Variants in AGBL4 observed in about 807,000 individuals in gnomAD.
AGBL4 encodes cytosolic carboxypeptidase 6.
AGBL4 carries 58 observed loss-of-function variants against 66.4 expected under a neutral mutation model. That is an observed-to-expected ratio of 0.87 (90% CI 0.71 to 1.09). The LOEUF is 1.09. Among genes scored for constraint, AGBL4 ranks in the 50% least tolerant of loss-of-function variants. The pLI, the probability that AGBL4 is intolerant of heterozygous loss-of-function variation, is 0.00. For synonymous variants in AGBL4, 234 were observed against 222.9 expected, an observed-to-expected ratio of 1.05 and a Z score of -0.44; for missense variants, 579 against 631.0, an observed-to-expected ratio of 0.92 and a Z score of 0.88.
At chr1:48,585,990 C>T (rs1364892415) in intron 11 of AGBL4, 1 of 152,158 alleles carries the variant, frequency 6.6e-6, no homozygotes, top group Admixed American at 6.5e-5. Context: ...TGCAGAAATA[C>T]AGAGTTCATT....
At chr1:49,889,390 T>C (rs1381272152) in intron 1 of AGBL4, among the ~76,000 whole-genome samples, 1 of 152,208 alleles carries the variant, frequency 6.6e-6, no homozygotes, top group African/African-American at 2.4e-5. Context: ...TAATACTTTT[T>C]TTCTTTTTCA....
Position 49,740,971 on chromosome 1 carries a change from A to G in AGBL4, c.158-43534T>C, listed in dbSNP as rs145985779. 8.0e-3 allele frequency among the ~76,000 whole-genome samples: 1,220 copies of G among 152,338 alleles called. 11 individuals are homozygous for G. The highest frequency in any genetic ancestry group is 0.012 in the Non-Finnish European group (792 of 68,026). On this transcript the variant is annotated intron_variant, in intron 2 of 13. Transcript: ENST00000371839. ...AAGACTGATCTAAAATTGACACCCTAACATCACAATTAAAATAACTAGAGA... is the reference window on the plus strand; with the variant it reads ...AAGACTGATCTAAAATTGACACCCTGACATCACAATTAAAATAACTAGAGA...
intron 4 of AGBL4, among the ~76,000 whole-genome samples, chr1:49,161,005 G>A (rs372216906): frequency 1.3e-4 from 20 of 152,160 alleles, no homozygotes; most frequent in East Asian, 7.8e-4. Flanking sequence ...GGTGGGAGTC[G>A]CCAAGCTAGA....
chr1:49,580,395 T>C (rs571916735), intron 3 of AGBL4, among the ~76,000 whole-genome samples: 3 of 152,342 alleles, frequency 2.0e-5, no homozygotes, highest in African/African-American at 7.2e-5. Flanking sequence ...TCTTTGTTTC[T>C]TTATTTCTGT....
intron 3 of AGBL4, among the ~76,000 whole-genome samples, chr1:49,445,404 A>C (rs921086823): frequency 6.6e-6 from 1 of 152,062 alleles, no homozygotes; most frequent in Non-Finnish European, 1.5e-5. Context: ...GACTTGAAAA[A>C]ATTTCATCTA....
chr1:48,964,558 C>T (rs569975778), intron 5 of AGBL4, among the ~76,000 whole-genome samples: 1 of 152,098 alleles, frequency 6.6e-6, no homozygotes, highest in Non-Finnish European at 1.5e-5. Context: ...CAAATCTTTG[C>T]TCATCTTCAC....
At chr1:49,449,036 T>C (rs980434234) in intron 3 of AGBL4, among the ~76,000 whole-genome samples, 1 of 152,002 alleles carries the variant, frequency 6.6e-6, no homozygotes, top group Non-Finnish European at 1.5e-5. Flanking sequence ...TGAATAAATG[T>C]AAAATGAATT....
Position 49,978,040 on chromosome 1 carries a change from G to A in AGBL4, c.34+45723C>T, listed in dbSNP as rs1658724117. On this transcript the variant is annotated intron_variant, in intron 1 of 13. Transcript: ENST00000371839. ...TCTGATTTTCAACGTGCCTGAAAAT[G>A]ACTTTATCTTCAAATTTGACTGAAA... Among the ~76,000 whole-genome samples, 4 of 152,176 alleles carry A rather than the reference G, an allele frequency of 2.6e-5. 1 individual carries two copies. The highest frequency in any genetic ancestry group is 2.0e-4 in the Admixed American group (3 of 15,280).
intron 3 of AGBL4, among the ~76,000 whole-genome samples, chr1:49,353,731 G>A (rs1431558155): frequency 2.0e-5 from 3 of 152,094 alleles, no homozygotes; most frequent in Admixed American, 6.5e-5. Flanking sequence ...CAGGCTCCAC[G>A]AGCAGAAGAG....
chr1:49,348,333 G>T (rs970391033), intron 3 of AGBL4, among the ~76,000 whole-genome samples: 2 of 152,044 alleles, frequency 1.3e-5, no homozygotes, highest in African/African-American at 4.8e-5. Flanking sequence ...CAGGAGAATG[G>T]CATGAACCCG....
chr1:49,265,320 C>T (rs1303991742), intron 3 of AGBL4, among the ~76,000 whole-genome samples: 1 of 152,074 alleles, frequency 6.6e-6, no homozygotes, highest in Non-Finnish European at 1.5e-5. Flanking sequence ...TCATATTGCA[C>T]CATGTACAAA....
At chr1:48,601,093 G>A (rs1163092343) in intron 9 of AGBL4, among the ~76,000 whole-genome samples, 3 of 152,164 alleles carry the variant, frequency 2.0e-5, no homozygotes, top group Non-Finnish European at 1.5e-5. Flanking sequence ...TCAGTGACTG[G>A]TGATAGCCAT....
chr1:49,981,145 G>A (rs1363157685), intron 1 of AGBL4, among the ~76,000 whole-genome samples: 1 of 152,114 alleles, frequency 6.6e-6, no homozygotes, highest in East Asian at 1.9e-4. Flanking sequence ...TAGGTTAAAG[G>A]CAGAACAGGG....
At position 49,004,185 on chromosome 1, in the gene AGBL4, C is replaced by T. The variant is rs114534968; in HGVS notation, c.594+41399G>A. On this transcript the variant is annotated intron_variant, in intron 5 of 13. Coordinates refer to ENST00000371839, the MANE Select transcript of AGBL4 (RefSeq NM_032785.4). The stretch of plus-strand genomic sequence containing the variant: ...CCAAATAAAATGAGAGCTTTCTTGG[C>T]AGAACTCTTGTTGTCCAGTTTCTGG... 4.6e-3 allele frequency among the ~76,000 whole-genome samples: 700 copies of T among 152,268 alleles called. 7 individuals carry two copies. The highest frequency in any genetic ancestry group is 0.016 in the African/African-American group (680 of 41,542).
chr1:48,776,848 G>A, intron 6 of AGBL4: 14 of 1,490,224 alleles, frequency 9.4e-6, no homozygotes, highest in Non-Finnish European at 1.2e-5. Context: ...CGCCGGGGGC[G>A]GGCCCCGGTC....
intron 3 of AGBL4, among the ~76,000 whole-genome samples, chr1:49,475,083 T>C (rs920934540): frequency 2.0e-5 from 3 of 152,044 alleles, no homozygotes; most frequent in Non-Finnish European, 4.4e-5. Context: ...TTATCATAGA[T>C]GGCTTTTATT....
At chr1:48,790,225 T>C (rs1053098474) in intron 6 of AGBL4, among the ~76,000 whole-genome samples, 3 of 152,176 alleles carry the variant, frequency 2.0e-5, no homozygotes, top group African/African-American at 7.2e-5. Flanking sequence ...TTTTTAACTT[T>C]ACGAGCAAAG....
intron 3 of AGBL4, among the ~76,000 whole-genome samples, chr1:49,333,286 T>C (rs1457923226): frequency 6.6e-6 from 1 of 152,148 alleles, no homozygotes; most frequent in Non-Finnish European, 1.5e-5. Context: ...AATACCATCC[T>C]GGCAAACATG....
chr1:49,259,434 T>G, intron 3 of AGBL4, among the ~76,000 whole-genome samples: 1 of 151,948 alleles, frequency 6.6e-6, no homozygotes, highest in East Asian at 1.9e-4. Flanking sequence ...GAGACACACA[T>G]AGGCTCAAAA....
Sources: allele counts gnomAD v4.1 joint callset (sites outside exome capture counted in the v4.1 genomes callset), GRCh38; gene constraint gnomAD v4.1.1; transcripts MANE v1.5; gene names NCBI Gene and HGNC (gene_info 2026-07-23, HGNC 2026-07-21).